Variants in ROBO2 observed in about 807,000 individuals in gnomAD.
The protein encoded by ROBO2 is roundabout homolog 2.
Under a neutral mutation model 160.8 loss-of-function variants are expected in ROBO2, and 53 were observed. The observed-to-expected ratio is 0.33, with a 90% CI of 0.26 to 0.41. The LOEUF is 0.41. ROBO2 is among the 10% of genes least tolerant of loss of function. ROBO2 has a pLI of 1.00. For synonymous variants in ROBO2, 664 were observed against 611.7 expected (o/e 1.09, Z -1.26); for missense variants, 1,577 against 1,722.4 (o/e 0.92, Z 1.49).
chr3:76,222,536 T>C (rs1188720668), intron 2 of ROBO2, among the ~76,000 whole-genome samples: 1 of 148,990 alleles, frequency 6.7e-6, no homozygotes, highest in Non-Finnish European at 1.5e-5. Flanking sequence ...GTATTTTCTA[T>C]CCAGCAGGAG....
intron 5 of ROBO2, among the ~76,000 whole-genome samples, chr3:77,514,124 T>G (rs2089734195): frequency 6.6e-6 from 1 of 151,850 alleles, no homozygotes; most frequent in Middle Eastern, 3.4e-3. Flanking sequence ...ATGATCAACC[T>G]CCTGTGTTGA....
intron 2 of ROBO2, among the ~76,000 whole-genome samples, chr3:76,540,894 G>A (rs2082778556): frequency 2.0e-5 from 3 of 152,100 alleles, no homozygotes; most frequent in African/African-American, 7.2e-5. Flanking sequence ...CTGTCTCCCA[G>A]GTTCAAGTGA....
intron 2 of ROBO2, among the ~76,000 whole-genome samples, chr3:77,250,915 T>C (rs139473576): frequency 7.7e-4 from 117 of 152,238 alleles, no homozygotes; most frequent in Non-Finnish European, 1.5e-3. Flanking sequence ...AGATCCTACT[T>C]CCCAACAGTG....
intron 2 of ROBO2, among the ~76,000 whole-genome samples, chr3:76,649,354 T>A (rs1263447082): frequency 6.6e-6 from 1 of 152,188 alleles, no homozygotes; most frequent in Admixed American, 6.5e-5. Context: ...GATTTCAGAA[T>A]AAACTTAATT....
At chr3:77,636,049 C>A (rs2095258117) in intron 24 of ROBO2, among the ~76,000 whole-genome samples, 1 of 152,004 alleles carries the variant, frequency 6.6e-6, no homozygotes, top group Non-Finnish European at 1.5e-5. Flanking sequence ...TTATAGGGTG[C>A]TCATCCCTTC....
chr3:77,149,796 CTT>C (rs34729793), intron 2 of ROBO2, among the ~76,000 whole-genome samples: 1 of 146,634 alleles, frequency 6.8e-6, no homozygotes, highest in African/African-American at 2.5e-5. Context: ...TCCTATTTTG[CTT>C]TTTTTTTTTC....
intron 23 of ROBO2, among the ~76,000 whole-genome samples, chr3:77,627,520 G>A: frequency 6.6e-6 from 1 of 151,926 alleles, no homozygotes; most frequent in East Asian, 1.9e-4. Context: ...CGTGACCTCA[G>A]GTGATCTGCC....
chr3:76,442,808 C>T (rs1448498448), intron 2 of ROBO2, among the ~76,000 whole-genome samples: 1 of 151,950 alleles, frequency 6.6e-6, no homozygotes, highest in South Asian at 2.1e-4. Context: ...TCAGTGTTTG[C>T]GTTCAAGTAA....
chr3:76,258,213 T>C (rs1469536208), intron 2 of ROBO2, among the ~76,000 whole-genome samples: 3 of 152,090 alleles, frequency 2.0e-5, no homozygotes, highest in Non-Finnish European at 4.4e-5. Context: ...GATATATGCA[T>C]GATTTTGATT....
chr3:76,565,290 A>AT (rs1339130677), intron 2 of ROBO2, among the ~76,000 whole-genome samples: 1 of 152,128 alleles, frequency 6.6e-6, no homozygotes, highest in African/African-American at 2.4e-5. Context: ...TTGCTTTTCT[A>AT]TTTTTTTGGA....
At chr3:76,368,049 AAT>A (rs1559832898) in intron 2 of ROBO2, among the ~76,000 whole-genome samples, 1 of 151,968 alleles carries the variant, frequency 6.6e-6, no homozygotes. Flanking sequence ...TTTAAAATAA[AAT>A]AGTCATATAT....
intron 2 of ROBO2, among the ~76,000 whole-genome samples, chr3:76,179,111 T>C (rs2073334302): frequency 6.6e-6 from 1 of 152,090 alleles, no homozygotes; most frequent in Non-Finnish European, 1.5e-5. Flanking sequence ...TTAGAGCAGC[T>C]CATTCGGAAT....
At chr3:76,527,839 A>G (rs1304091911) in intron 2 of ROBO2, among the ~76,000 whole-genome samples, 1 of 152,168 alleles carries the variant, frequency 6.6e-6, no homozygotes, top group Non-Finnish European at 1.5e-5. Flanking sequence ...AGCTTTTACC[A>G]AAGACAGACA....
At chr3:76,845,979 A>G (rs752118468) in intron 2 of ROBO2, among the ~76,000 whole-genome samples, 2 of 152,092 alleles carry the variant, frequency 1.3e-5, no homozygotes, top group Admixed American at 1.3e-4. Context: ...GTGGAACATT[A>G]CTTATGTCAC....
At chr3:76,768,121 A>G (rs1276950493) in intron 2 of ROBO2, among the ~76,000 whole-genome samples, 1 of 151,470 alleles carries the variant, frequency 6.6e-6, no homozygotes, top group African/African-American at 2.4e-5. Flanking sequence ...ATAAAATATA[A>G]AATAACATAT....
At chr3:76,584,416 C>A (rs1002100773) in intron 2 of ROBO2, among the ~76,000 whole-genome samples, 1 of 152,020 alleles carries the variant, frequency 6.6e-6, no homozygotes, top group Non-Finnish European at 1.5e-5. Flanking sequence ...GAGTTAATTT[C>A]ATTAGAATGA....
intron 2 of ROBO2, among the ~76,000 whole-genome samples, chr3:75,976,588 C>T (rs185361651): frequency 1.8e-4 from 28 of 151,484 alleles, no homozygotes; most frequent in Admixed American, 8.6e-4. Context: ...TGGATATTAA[C>T]GTATAATACA....
chr3:76,690,268 G>A (rs576515464), intron 2 of ROBO2, among the ~76,000 whole-genome samples: 37 of 152,196 alleles, frequency 2.4e-4, no homozygotes, highest in African/African-American at 8.7e-4. Flanking sequence ...TCCTTGCTAT[G>A]ACCTGAATGT....
chr3:77,510,860 T>C (rs921607142), intron 5 of ROBO2, among the ~76,000 whole-genome samples: 8 of 152,040 alleles, frequency 5.3e-5, no homozygotes, highest in African/African-American at 1.9e-4. Context: ...TTGGAATGGT[T>C]GGAGGCGTGG....
Sources: gnomAD v4.1 joint callset for allele counts (sites outside exome capture counted in the v4.1 genomes callset) on GRCh38, gnomAD v4.1.1 for gene constraint, MANE v1.5 for transcripts, NCBI Gene and HGNC (gene_info 2026-07-23, HGNC 2026-07-21) for gene names.